Variants in RAPGEF2 observed in about 807,000 individuals in gnomAD.
RAPGEF2 encodes the protein PDZ domain containing guanine nucleotide exchange factor (GEF) 1.
RAPGEF2 carries 54 observed loss-of-function variants against 186.7 expected under a neutral mutation model. The ratio of observed to expected loss-of-function variants is 0.29; its 90% CI spans 0.23 to 0.36. RAPGEF2 has a LOEUF of 0.36. RAPGEF2 is among the 10% of genes least tolerant of loss of function. The pLI is 1.00. For synonymous variants in RAPGEF2, 712 were observed against 705.9 expected, an observed-to-expected ratio of 1.01 and a Z score of -0.14; for missense variants, 1,532 against 2,045.0, an observed-to-expected ratio of 0.75 and a Z score of 4.84.
intron 7 of RAPGEF2, among the ~76,000 whole-genome samples, chr4:159,276,996 CA>C (rs1758978492): frequency 6.6e-6 from 1 of 152,116 alleles, no homozygotes; most frequent in African/African-American, 2.4e-5. Flanking sequence ...CATATGTATA[CA>C]TGTGTCATAT....
chr4:159,219,503 C>T (rs1751321935), intron 4 of RAPGEF2, among the ~76,000 whole-genome samples: 1 of 151,602 alleles, frequency 6.6e-6, no homozygotes, highest in South Asian at 2.1e-4. Context: ...CTACAGGCAC[C>T]CGCCACCACG....
chr4:159,166,851 C>G (rs1745373889), intron 1 of RAPGEF2, among the ~76,000 whole-genome samples: 1 of 151,892 alleles, frequency 6.6e-6, no homozygotes, highest in Admixed American at 6.6e-5. Flanking sequence ...GTTGAGTTGC[C>G]CATCAGGATG....
chr4:159,270,855 A>G (rs1196227617), intron 7 of RAPGEF2, among the ~76,000 whole-genome samples: 2 of 152,182 alleles, frequency 1.3e-5, no homozygotes, highest in African/African-American at 4.8e-5. Context: ...CCAGAAATGC[A>G]CCCAGCACTG....
At chr4:159,225,153 G>A (rs1751898182) in intron 4 of RAPGEF2, among the ~76,000 whole-genome samples, 1 of 152,038 alleles carries the variant, frequency 6.6e-6, no homozygotes, top group Non-Finnish European at 1.5e-5. Flanking sequence ...TGGAGAGTTG[G>A]GTAAATAGAA....
intron 7 of RAPGEF2, among the ~76,000 whole-genome samples, chr4:159,296,400 G>A (rs1237712561): frequency 1.3e-5 from 2 of 152,140 alleles, no homozygotes; most frequent in African/African-American, 4.8e-5. Context: ...TATTTCACTA[G>A]TAATTTGATC....
intron 7 of RAPGEF2, among the ~76,000 whole-genome samples, chr4:159,296,456 G>T (rs1762038542): frequency 6.6e-6 from 1 of 152,160 alleles, no homozygotes; most frequent in East Asian, 1.9e-4. Flanking sequence ...AGAATTTTCA[G>T]GTCAATTAGT....
chr4:159,183,691 C>T (rs900139069), intron 1 of RAPGEF2, among the ~76,000 whole-genome samples: 4 of 152,016 alleles, frequency 2.6e-5, no homozygotes, highest in South Asian at 2.1e-4. Flanking sequence ...GTATAAAGGA[C>T]GGTTACAATT....
At chr4:159,230,477 A>G (rs1251502245) in intron 4 of RAPGEF2, among the ~76,000 whole-genome samples, 3 of 152,234 alleles carry the variant, frequency 2.0e-5, no homozygotes, top group African/African-American at 4.8e-5. Context: ...GGTAAGCTAT[A>G]TATCTTTAAA....
chr4:159,342,558 T>TTTATC (rs1246206096), intron 20 of RAPGEF2, among the ~76,000 whole-genome samples: 1 of 48,556 alleles, frequency 2.1e-5, no homozygotes, highest in African/African-American at 6.7e-5. Context: ...TTTATATTAT[T>TTTATC]TTATTTTATT....
Position 159,304,560 on chromosome 4 carries a change from A to G in RAPGEF2, c.675+87A>G, listed in dbSNP as rs1763054133. On this transcript the variant is annotated intron_variant, in intron 8 of 29. Coordinates refer to ENST00000691494, the MANE Select transcript of RAPGEF2 (RefSeq NM_001394067.2). ...TCTCAGCTGATAGAATCTATAAAAT[A>G]AATATATGTGTATATTACATGTGCA... The G allele has an allele frequency of 4.7e-6, 6 of 1,273,818 alleles. 1 individual carries two copies. The South Asian group carries it at 8.6e-5, about 18-fold the overall frequency. The allele number at this position is 1,273,818 out of a possible 1,614,324, so 78.9% of individuals were successfully genotyped here.
At chr4:159,335,605 T>C (rs918989162) in intron 17 of RAPGEF2, among the ~76,000 whole-genome samples, 2 of 152,012 alleles carry the variant, frequency 1.3e-5, no homozygotes, top group African/African-American at 4.8e-5. Context: ...CCCAGCACTT[T>C]GGGAGGCCGA....
Position 159,358,972 on chromosome 4 carries a change from CTGTT to C in RAPGEF2, c.*836_*839del, listed in dbSNP as rs1192753673. ...CAGTGGATGGGGTTCTTCTGTAAAACTGTTTGCACATGGCCAGGGGAGGGAACTA... is the reference window on the plus strand; with the variant it reads ...CAGTGGATGGGGTTCTTCTGTAAAACTGCACATGGCCAGGGGAGGGAACTA... On this transcript the variant is annotated 3_prime_UTR_variant, in exon 30 of 30. Coordinates refer to ENST00000691494, the MANE Select transcript of RAPGEF2 (RefSeq NM_001394067.2). The C allele has an allele frequency of 6.6e-6, 1 of 152,280 alleles. No homozygotes were observed. Among genetic ancestry groups the C allele is most frequent in the African/African-American group, 2.4e-5 (1 of 41,456 alleles). 9.4% of individuals were successfully genotyped at this position (152,280 alleles called of 1,614,324 possible).
At chr4:159,322,804 A>G (rs182289488) in intron 10 of RAPGEF2, among the ~76,000 whole-genome samples, 227 of 152,300 alleles carry the variant, frequency 1.5e-3, no homozygotes, top group Admixed American at 4.3e-3. Context: ...TGAGGAAGAT[A>G]CAAAAGCAGA....
At chr4:159,290,991 A>G (rs185591753) in intron 7 of RAPGEF2, among the ~76,000 whole-genome samples, 419 of 152,358 alleles carry the variant, frequency 2.8e-3, no homozygotes, top group African/African-American at 9.7e-3. Context: ...CCTTAGAAAT[A>G]AATCCTAACA....
At chr4:159,267,933 A>T in intron 7 of RAPGEF2, 2 of 1,304,010 alleles carry the variant, frequency 1.5e-6, no homozygotes, top group Non-Finnish European at 1.9e-6. Context: ...TTTCAATGTT[A>T]TAAAAATGGA....
intron 1 of RAPGEF2, among the ~76,000 whole-genome samples, chr4:159,182,401 T>A (rs1355223286): frequency 3.6e-5 from 5 of 138,552 alleles, no homozygotes; most frequent in African/African-American, 1.4e-4. Flanking sequence ...TTTTTTTTTT[T>A]TTTTTTTTTT....
At chr4:159,345,618 A>T (rs1730179348) in intron 24 of RAPGEF2, among the ~76,000 whole-genome samples, 1 of 152,198 alleles carries the variant, frequency 6.6e-6, no homozygotes, top group Admixed American at 6.5e-5. Context: ...CAACAGACGC[A>T]TATATAGATA....
chr4:159,143,999 C>T (rs1308624683), intron 1 of RAPGEF2, among the ~76,000 whole-genome samples: 2 of 152,238 alleles, frequency 1.3e-5, no homozygotes, highest in African/African-American at 4.8e-5. Context: ...CTCTTTTTCT[C>T]ATATTCTTTT....
intron 7 of RAPGEF2, among the ~76,000 whole-genome samples, chr4:159,294,982 C>T (rs1276497131): frequency 2.0e-5 from 3 of 152,180 alleles, no homozygotes; most frequent in African/African-American, 7.2e-5. Context: ...CGTGAGCCAT[C>T]GCACCTGGCC....
Sources: allele counts gnomAD v4.1 joint callset (sites outside exome capture counted in the v4.1 genomes callset), GRCh38; gene constraint gnomAD v4.1.1; transcripts MANE v1.5; gene names NCBI Gene and HGNC (gene_info 2026-07-23, HGNC 2026-07-21).